The following MORC4 variants were observed in gnomAD, a reference collection of about 807,000 sequenced individuals.
MORC4 encodes the protein MORC family CW-type zinc finger protein 4.
Under a neutral mutation model 65.5 loss-of-function variants are expected in MORC4, and 22 were observed. The ratio of observed to expected loss-of-function variants is 0.34; its 90% CI spans 0.24 to 0.48. The LOEUF (loss-of-function observed/expected upper bound fraction) is 0.48. Among genes scored for constraint, MORC4 ranks in the 20% least tolerant of loss-of-function variants. The pLI is 0.99. For missense variants in MORC4, 624 were observed against 703.0 expected (o/e 0.89, Z 1.27); for synonymous variants, 267 against 255.8 (o/e 1.04, Z -0.42).
At chrX:106,950,823 C>T (rs1295917862) in intron 14 of MORC4, among the ~76,000 whole-genome samples, 2 of 111,751 alleles carry the variant, frequency 1.8e-5, no homozygotes, top group Non-Finnish European at 3.8e-5. Flanking sequence ...ATCTTCTAGA[C>T]CACACCCACA....
intron 5 of MORC4, among the ~76,000 whole-genome samples, chrX:106,981,999 T>A (rs1453410565): frequency 8.9e-6 from 1 of 112,231 alleles, no homozygotes; most frequent in Non-Finnish European, 1.9e-5. Context: ...ATACCATTTA[T>A]AGAATTATCA....
chrX:106,956,969 T>C lies in MORC4; in HGVS notation c.1421A>G (p.Asp474Gly). ...CSVPEEQELT[D>G]EDLCLSKAKK... ...AGCTTTGCTCAAGCACAGGTCTTCA[T>C]CAGTGAGTTCTTGTTCCTCTGGAAC... The change falls in exon 12 of 17, where the codon GAT becomes GGT. Residue 474 changes from aspartate (D) to glycine (G), a missense_variant. Physicochemically the swap from Asp to Gly is moderately conservative, Grantham distance 94. Coordinates refer to ENST00000355610, the MANE Select transcript of MORC4 (RefSeq NM_024657.5). 1 of 1,199,494 alleles carries C rather than the reference T, an allele frequency of 8.3e-7. No homozygotes were observed. The highest frequency in any genetic ancestry group is 1.1e-6 in the Non-Finnish European group (1 of 886,064).
At chrX:106,964,278 A>C (rs1459123867) in intron 9 of MORC4, among the ~76,000 whole-genome samples, 1 of 111,992 alleles carries the variant, frequency 8.9e-6, no homozygotes, top group Admixed American at 9.5e-5. Context: ...GGCAGATCTG[A>C]TCAGACAGAA....
chrX:106,955,131 C>A (rs778922988), intron 13 of MORC4, 43 bp from the exon 14 acceptor site: 1 of 1,000,909 alleles, frequency 1.0e-6, no homozygotes, highest in South Asian at 2.2e-5. Context: ...CAAATTCAAA[C>A]CAAATGCCAA....
At chrX:106,951,402 G>T (rs1460583231) in intron 14 of MORC4, among the ~76,000 whole-genome samples, 1 of 111,144 alleles carries the variant, frequency 9.0e-6, no homozygotes, top group African/African-American at 3.3e-5. Context: ...TTGAGACAGG[G>T]TCTTGCTCTG....
At chrX:106,953,887 G>T (rs1457773493) in intron 14 of MORC4, among the ~76,000 whole-genome samples, 2 of 112,286 alleles carry the variant, frequency 1.8e-5, no homozygotes, top group Admixed American at 9.4e-5. Context: ...ACTTTGGGAG[G>T]CCAAGGCGGG....
chrX:106,991,326 G>T (rs1476090348), intron 3 of MORC4, among the ~76,000 whole-genome samples: 1 of 112,403 alleles, frequency 8.9e-6, no homozygotes, highest in African/African-American at 3.2e-5. Flanking sequence ...TTCTCATTAA[G>T]CTGTCAGCCA....
intron 2 of MORC4, among the ~76,000 whole-genome samples, chrX:106,997,756 T>C (rs1233956727): frequency 1.8e-5 from 2 of 111,903 alleles, no homozygotes; most frequent in East Asian, 5.6e-4. Flanking sequence ...ATATTCTTCA[T>C]GCCTTTGTTC....
chrX:106,957,823 A>T (rs1934146434), intron 11 of MORC4, among the ~76,000 whole-genome samples: 1 of 111,888 alleles, frequency 8.9e-6, no homozygotes, highest in African/African-American at 3.2e-5. Flanking sequence ...CTTGACCTGG[A>T]ATGTAAAGTC....
chrX:106,993,144 G>A (rs1160786595), intron 3 of MORC4, 86 bp downstream of exon 3: 4 of 1,003,346 alleles, frequency 4.0e-6, no homozygotes, highest in Non-Finnish European at 5.4e-6. Context: ...TGAACAAAAG[G>A]AAAGCAAAAT....
chrX:106,962,455 G>A (rs1028013440), intron 9 of MORC4, among the ~76,000 whole-genome samples: 2 of 112,253 alleles, frequency 1.8e-5, no homozygotes, highest in African/African-American at 6.5e-5. Flanking sequence ...AGATAGGATA[G>A]AGCCAAATAT....
At chrX:106,984,390 G>C (rs1934817204) in intron 5 of MORC4, among the ~76,000 whole-genome samples, 1 of 109,226 alleles carries the variant, frequency 9.2e-6, no homozygotes, top group African/African-American at 3.3e-5. Context: ...CTCAGGATAT[G>C]TGTGTTTCCA....
At chrX:106,991,567 C>T (rs1363306053) in intron 3 of MORC4, among the ~76,000 whole-genome samples, 3 of 111,959 alleles carry the variant, frequency 2.7e-5, no homozygotes, top group African/African-American at 9.7e-5. Context: ...TCAACACCCA[C>T]GTCAATGGGA....
chrX:106,978,180 G>C lies in MORC4; in HGVS notation c.956C>G (p.Thr319Ser). 8.3e-7 allele frequency: 1 copy of C among 1,206,871 alleles called. No homozygotes were observed. Among genetic ancestry groups the C allele is most frequent in the Non-Finnish European group, 1.1e-6 (1 of 892,810 alleles). The stretch of plus-strand genomic sequence containing the variant: ...ACTATTCTTGCAAGAGAACCCAAAG[G>C]TGATTCTCACCTGCTTATTCTGAGA... The part of the protein sequence containing the change: ...PTFTNKQVRI[T>S]FGFSCKNSNQ... Residue 319 changes from threonine to serine, a missense_variant, in exon 8 of 17, where the codon ACC becomes AGC. Thr to Ser is a moderately conservative substitution (Grantham distance 58, BLOSUM62 1). Coordinates refer to ENST00000355610, the MANE Select transcript of MORC4 (RefSeq NM_024657.5).
rs187544853 is a variant in MORC4 at position 106,951,953 on chromosome X, G to A, written c.1685+2960C>T. On this transcript the variant is annotated intron_variant, in intron 14 of 16. Coordinates refer to ENST00000355610, the MANE Select transcript of MORC4 (RefSeq NM_024657.5). ...GGAGGTTGCAGTGAGCCGAGATTGC[G>A]CCACTGCACTCCAGCCTGGGTGACA... Among the ~76,000 whole-genome samples, 284 of 88,279 alleles carry A rather than the reference G, an allele frequency of 3.2e-3. 3 individuals are homozygous for A. Among genetic ancestry groups the A allele is most frequent in the African/African-American group, 0.012 (261 of 21,877 alleles). 76.7% of individuals were successfully genotyped at this position (88,279 alleles called of 115,157 possible).
chrX:106,947,558 CTATATATATATATTATATA>C (rs1310490214), intron 14 of MORC4, among the ~76,000 whole-genome samples: 4 of 64,909 alleles, frequency 6.2e-5, no homozygotes, highest in Non-Finnish European at 8.1e-5. Context: ...TGTAGTTAAT[CTATATATATATATTATATA>C]TATATATATA....
intron 11 of MORC4, among the ~76,000 whole-genome samples, chrX:106,957,309 T>A (rs1236674045): frequency 8.9e-6 from 1 of 111,882 alleles, no homozygotes; most frequent in Admixed American, 9.5e-5. Flanking sequence ...TGCAAGGTTA[T>A]GTCTCCTGTA....
In MORC4 at chrX:106,941,443, GAAGAT is replaced by G. The variant is rs1230945380; in HGVS notation, c.*31_*35del. Reference sequence around the variant, plus strand: ...GGAGGGAGAGAAAAGAGAACAGACAGAAGATAAGAGAAGAGAAGGGTATACAGTCT... The same window carrying G: ...GGAGGGAGAGAAAAGAGAACAGACAGAAGAGAAGAGAAGGGTATACAGTCT... On this transcript the variant is annotated 3_prime_UTR_variant, in exon 17 of 17. Transcript: ENST00000355610. 2.7e-6 allele frequency: 3 copies of G among 1,098,828 alleles called. No homozygotes were observed. Among genetic ancestry groups the G allele is most frequent in the Non-Finnish European group, 3.7e-6 (3 of 813,098 alleles). The allele number at this position is 1,098,828 out of a possible 1,213,427, so 90.6% of individuals were successfully genotyped here.
chrX:106,957,000 A>T lies in MORC4; in HGVS notation c.1390T>A (p.Cys464Ser), dbSNP rs1161220719. ...YYNSHPKYRR[C>S]SVPEEQELTD... ...AGTTCTTGTTCCTCTGGAACAGAGCATCTCCTGCAGTACAGAGAATAAATC... is the reference window on the plus strand; with the variant it reads ...AGTTCTTGTTCCTCTGGAACAGAGCTTCTCCTGCAGTACAGAGAATAAATC... Residue 464 changes from cysteine to serine, a missense_variant, in exon 12 of 17, where the codon TGC (cysteine) becomes AGC (serine). By Grantham distance (112) the Cys-to-Ser change is moderately radical. Transcript: ENST00000355610. The T allele has an allele frequency of 8.4e-7, 1 of 1,183,460 alleles. No homozygotes were observed. The highest frequency in any genetic ancestry group is 1.1e-6 in the Non-Finnish European group (1 of 872,527).
Sources: gnomAD v4.1 joint callset for allele counts (sites outside exome capture counted in the v4.1 genomes callset) on GRCh38, gnomAD v4.1.1 for gene constraint, MANE v1.5 for transcripts, NCBI Gene and HGNC (gene_info 2026-07-23, HGNC 2026-07-21) for gene names.